TRIO: variants seen among roughly 807,000 people sequenced by gnomAD.
TRIO encodes trio Rho guanine nucleotide exchange factor.
In TRIO, 58 loss-of-function variants were observed where a neutral mutation model predicts 351.9. The ratio of observed to expected loss-of-function variants is 0.16; its 90% CI spans 0.13 to 0.21. The LOEUF (loss-of-function observed/expected upper bound fraction) is 0.21, where lower values mean the gene tolerates loss of function less well. Ranked by LOEUF, TRIO falls within the 10% of genes least tolerant of loss-of-function variation. The pLI, the probability that TRIO is intolerant of heterozygous loss-of-function variation, is 1.00. For synonymous variants in TRIO, 1,758 were observed against 1,595.7 expected (o/e 1.10, Z -2.42); for missense variants, 3,201 against 4,027.8 (o/e 0.79, Z 5.56).
At chr5:14,221,073 C>T (rs749323714) in intron 1 of TRIO, among the ~76,000 whole-genome samples, 8 of 152,174 alleles carry the variant, frequency 5.3e-5, no homozygotes, top group Non-Finnish European at 1.2e-4. Context: ...GCTCATTGAC[C>T]ATTCTGAAAT....
intron 10 of TRIO, among the ~76,000 whole-genome samples, chr5:14,331,353 C>T (rs1252267660): frequency 1.3e-5 from 2 of 152,140 alleles, no homozygotes; most frequent in African/African-American, 4.8e-5. Context: ...GGCCGCCTGA[C>T]TTTGGACAAG....
rs1755609566 is a variant in TRIO at position 14,482,589 on chromosome 5, T to C, written c.6473T>C (p.Ile2158Thr). 1 of 1,448,418 alleles carries C rather than the reference T, an allele frequency of 6.9e-7. No homozygotes were observed. The highest frequency in any genetic ancestry group is 1.5e-5 in the South Asian group (1 of 66,380). 89.7% of individuals were successfully genotyped at this position (1,448,418 alleles called of 1,614,324 possible). A position where few individuals can be genotyped will look rare whatever the true frequency, so the allele number is the denominator to read the frequency against. ...VGRLQGFDGK[I>T]VAQGKLLLQD... ...CTTTATTTCTTGTTTTAGGGGAAAA[T>C]CGTTGCCCAGGGTAAACTGCTCTTG... is the stretch of plus-strand genomic sequence containing the variant. The change falls in exon 46 of 57, where the codon ATC becomes ACC. Residue 2158 changes from isoleucine to threonine, a missense_variant. By Grantham distance (89) the Ile-to-Thr change is moderately conservative. Coordinates refer to ENST00000344204, the MANE Select transcript of TRIO (RefSeq NM_007118.4).
At chr5:14,490,189 G>A (rs1756379325) in intron 48 of TRIO, among the ~76,000 whole-genome samples, 1 of 152,220 alleles carries the variant, frequency 6.6e-6, no homozygotes, top group Admixed American at 6.5e-5. Context: ...TGAGGCAGGA[G>A]AATCGCTTGA....
At chr5:14,455,224 C>G (rs1358216956) in intron 34 of TRIO, among the ~76,000 whole-genome samples, 1 of 152,168 alleles carries the variant, frequency 6.6e-6, no homozygotes. Context: ...CTTATCTGAC[C>G]CCACCCACAT....
intron 1 of TRIO, among the ~76,000 whole-genome samples, chr5:14,267,624 C>A (rs1165696505): frequency 6.6e-6 from 1 of 152,188 alleles, no homozygotes; most frequent in African/African-American, 2.4e-5. Flanking sequence ...AATAGCTCTT[C>A]AGGGCATGGA....
At chr5:14,273,896 A>AAAATAGTATAG (rs1350870547) in intron 2 of TRIO, among the ~76,000 whole-genome samples, 29 of 152,234 alleles carry the variant, frequency 1.9e-4, no homozygotes, top group African/African-American at 7.0e-4. Context: ...AAAAGGAAAG[A>AAAATAGTATAG]AAATAGTATA....
At position 14,329,508 on chromosome 5, in the gene TRIO, G is replaced by A. The variant is rs547291404; in HGVS notation, c.1732-1270G>A. Among the ~76,000 whole-genome samples the A allele has an allele frequency of 2.0e-5, 3 of 152,220 alleles. No homozygotes were observed. In the East Asian group the frequency reaches 5.8e-4, roughly 29 times the overall value. On this transcript the variant is annotated intron_variant, in intron 9 of 56. Transcript: ENST00000344204. Reference sequence around the variant, plus strand: ...CCTTCACCAGTCACTGAGTCTCCTGGCTCCTTGATCTGGGACTTCATAGTG... The same window carrying A: ...CCTTCACCAGTCACTGAGTCTCCTGACTCCTTGATCTGGGACTTCATAGTG...
At chr5:14,499,527 G>T (rs775793530) in intron 53 of TRIO, among the ~76,000 whole-genome samples, 1 of 152,294 alleles carries the variant, frequency 6.6e-6, no homozygotes, top group South Asian at 2.1e-4. Context: ...TAGACAATAA[G>T]CAGAATTTGT....
intron 11 of TRIO, among the ~76,000 whole-genome samples, chr5:14,352,518 G>A (rs974270371): frequency 6.6e-5 from 10 of 152,336 alleles, no homozygotes; most frequent in African/African-American, 1.7e-4. Context: ...TAGGCATCAT[G>A]TACACCATTT....
In TRIO at chr5:14,206,424, T is replaced by G. The variant is rs1222606312; in HGVS notation, c.157+62542T>G. On this transcript the variant is annotated intron_variant, in intron 1 of 56. Coordinates refer to ENST00000344204, the MANE Select transcript of TRIO (RefSeq NM_007118.4). Reference sequence around the variant, plus strand: ...AAAACTAAGCATACTGCTTAATTCCTCTAGATTCTTGCTCTTGTCTTGAGG... The same window carrying G: ...AAAACTAAGCATACTGCTTAATTCCGCTAGATTCTTGCTCTTGTCTTGAGG... Among the ~76,000 whole-genome samples the G allele has an allele frequency of 2.0e-5, 3 of 152,252 alleles. No individual in the cohort carries two copies. The East Asian group carries it at 5.8e-4, about 29-fold the overall frequency.
chr5:14,276,564 CA>C (rs1735537693), intron 2 of TRIO, among the ~76,000 whole-genome samples: 1 of 152,222 alleles, frequency 6.6e-6, no homozygotes, highest in Non-Finnish European at 1.5e-5. Flanking sequence ...ATTTCCTTGG[CA>C]AAGGCTGCTT....
intron 26 of TRIO, 39 bp downstream of exon 26, chr5:14,390,339 A>G: frequency 6.3e-7 from 1 of 1,598,730 alleles, no homozygotes. Context: ...CCCAGCTATT[A>G]GGTGACGTTG....
At chr5:14,162,898 C>A (rs555253162) in intron 1 of TRIO, among the ~76,000 whole-genome samples, 2 of 152,296 alleles carry the variant, frequency 1.3e-5, no homozygotes, top group African/African-American at 4.8e-5. Context: ...CCTCCACCTC[C>A]CAGGTTCAAG....
chr5:14,421,841 A>T (rs1353682995), intron 34 of TRIO, among the ~76,000 whole-genome samples: 3 of 152,098 alleles, frequency 2.0e-5, no homozygotes, highest in Admixed American at 6.5e-5. Flanking sequence ...GCAACAAGGG[A>T]TGAGGATTTA....
intron 9 of TRIO, among the ~76,000 whole-genome samples, chr5:14,323,698 GGA>G (rs1270874632): frequency 1.3e-5 from 2 of 152,198 alleles, no homozygotes. Flanking sequence ...GGCCTCCGTG[GGA>G]GAGGGAAAAA....
chr5:14,394,413 C>G (rs1747382107), intron 28 of TRIO, among the ~76,000 whole-genome samples: 1 of 152,196 alleles, frequency 6.6e-6, no homozygotes, highest in South Asian at 2.1e-4. Flanking sequence ...CCAGCTGTGG[C>G]TTGCTGACTG....
intron 1 of TRIO, among the ~76,000 whole-genome samples, chr5:14,242,548 T>C (rs1227832864): frequency 6.6e-6 from 1 of 152,220 alleles, no homozygotes; most frequent in Non-Finnish European, 1.5e-5. Context: ...CACAAATGAC[T>C]ATCAGGAGGA....
At chr5:14,430,806 C>T (rs1303067763) in intron 34 of TRIO, among the ~76,000 whole-genome samples, 1 of 152,070 alleles carries the variant, frequency 6.6e-6, no homozygotes, top group Non-Finnish European at 1.5e-5. Flanking sequence ...ATCTCCGCCT[C>T]CCGAGTTCAA....
At chr5:14,469,011 A>G (rs17428910) in intron 37 of TRIO, among the ~76,000 whole-genome samples, 4,214 of 152,300 alleles carry the variant, frequency 0.028, 74 homozygotes, top group Non-Finnish European at 0.039. Context: ...GCAATAGAGT[A>G]ATAGTTCCCT....
Sources: gnomAD v4.1 joint callset for allele counts (sites outside exome capture counted in the v4.1 genomes callset) on GRCh38, gnomAD v4.1.1 for gene constraint, MANE v1.5 for transcripts, NCBI Gene and HGNC (gene_info 2026-07-23, HGNC 2026-07-21) for gene names.